The following ORC3 variants were observed in gnomAD, a reference collection of about 807,000 sequenced individuals.
ORC3 encodes origin recognition complex subunit 3, also known as homolog of latheo, Drosophila.
ORC3 carries 78 observed loss-of-function variants against 100.7 expected under a neutral mutation model. That is an observed-to-expected ratio of 0.77 (90% CI 0.65 to 0.94). ORC3 has a LOEUF of 0.94. Ranked by LOEUF, ORC3 falls within the 40% of genes least tolerant of loss-of-function variation. The pLI is 0.00. For synonymous variants in ORC3, 295 were observed against 289.3 expected (o/e 1.02, Z -0.20); for missense variants, 789 against 823.9 (o/e 0.96, Z 0.52).
intron 16 of ORC3, among the ~76,000 whole-genome samples, chr6:87,662,335 G>GTCAGGAGAC (rs1017279220): frequency 2.6e-5 from 4 of 152,116 alleles, no homozygotes; most frequent in African/African-American, 9.7e-5. Context: ...TGAGGGCTGA[G>GTCAGGAGAC]TCAGGAGACT....
rs571865328 is a variant in ORC3 at position 87,624,292 on chromosome 6, T to G, written c.1185+2279T>G. Among the ~76,000 whole-genome samples, 66 of 152,256 alleles carry G rather than the reference T, an allele frequency of 4.3e-4. No homozygotes were observed. The East Asian group carries it at 0.012, about 28-fold the overall frequency. On this transcript the variant is annotated intron_variant, in intron 11 of 19. Transcript: ENST00000392844. ...TGAAGTCAGGAGTTCAAGACCAGCC[T>G]GGCCAATATGGTGAAACCCTGTCTC... is the stretch of plus-strand genomic sequence containing the variant.
intron 16 of ORC3, among the ~76,000 whole-genome samples, chr6:87,659,525 G>T (rs1770017561): frequency 6.6e-6 from 1 of 152,082 alleles, no homozygotes; most frequent in Non-Finnish European, 1.5e-5. Context: ...AGAATAATGT[G>T]GGGACAGAGT....
chr6:87,654,754 G>A lies in ORC3; in HGVS notation c.1516+1505G>A, dbSNP rs532893726. ...AGTCTTTTACAAAATGGGACTTATG[G>A]AGATTGCTGTAAAAATAAACTGCAC... On this transcript the variant is annotated intron_variant, in intron 14 of 19. Transcript: ENST00000392844. Among the ~76,000 whole-genome samples the A allele has an allele frequency of 3.3e-5, 5 of 152,306 alleles. No homozygotes were observed. The South Asian group carries it at 6.2e-4, about 19-fold the overall frequency.
At chr6:87,600,966 G>A (rs1777854168) in intron 2 of ORC3, among the ~76,000 whole-genome samples, 1 of 152,134 alleles carries the variant, frequency 6.6e-6, no homozygotes, top group Admixed American at 6.6e-5. Context: ...TGCAATAAAT[G>A]GTATTTTCAC....
intron 17 of ORC3, among the ~76,000 whole-genome samples, chr6:87,663,556 C>T (rs1322064615): frequency 1.3e-5 from 2 of 152,180 alleles, no homozygotes; most frequent in Non-Finnish European, 2.9e-5. Context: ...AAGAGAAATA[C>T]TTTGGGACTT....
chr6:87,620,407 A>G (rs983885916), intron 9 of ORC3, among the ~76,000 whole-genome samples: 4 of 152,202 alleles, frequency 2.6e-5, no homozygotes, highest in Non-Finnish European at 5.9e-5. Flanking sequence ...AGAATGGACT[A>G]TTTTGGAAGA....
the ORC3 span, among the ~76,000 whole-genome samples, chr6:87,672,634 A>G: frequency 3.3e-5 from 5 of 152,200 alleles, no homozygotes; most frequent in Non-Finnish European, 5.9e-5. Flanking sequence ...AGCTGCTTAA[A>G]TCACCTAGGC....
At chr6:87,669,369 G>A (rs973339282), downstream of ORC3, among the ~76,000 whole-genome samples, 2 of 152,194 alleles carry the variant, frequency 1.3e-5, no homozygotes, top group Admixed American at 6.5e-5. Flanking sequence ...TCATTTAAAA[G>A]GTGCCAGGAT....
At chr6:87,612,955 G>C (rs777678012) in intron 8 of ORC3, among the ~76,000 whole-genome samples, 4 of 152,172 alleles carry the variant, frequency 2.6e-5, no homozygotes, top group Non-Finnish European at 5.9e-5. Context: ...TTAGTGGACT[G>C]TTTCCTAACT....
intron 19 of ORC3, among the ~76,000 whole-genome samples, chr6:87,666,282 C>CAT: frequency 6.6e-6 from 1 of 151,962 alleles, no homozygotes; most frequent in South Asian, 2.1e-4. Context: ...CAGGTGCCTG[C>CAT]CACCAAGCCC....
intron 7 of ORC3, among the ~76,000 whole-genome samples, chr6:87,610,542 T>TCTACTTTGATAGGATC (rs1562330984): frequency 4.0e-5 from 6 of 149,360 alleles, no homozygotes; most frequent in African/African-American, 1.0e-4. Flanking sequence ...ATACTTTATT[T>TCTACTTTGATAGGATC]TTTTTTATTT....
At position 87,663,121 on chromosome 6, in the gene ORC3, A is replaced by C. The variant is rs771749853; in HGVS notation, c.1810A>C (p.Asn604His). ...APRIALHTAL[N>H]NPYYYLKNEA... ...GCGAATTGCCCTCCATACTGCACTC[A>C]ACAATCCTTACTATTATCTCAAGGT... The change falls in exon 17 of 20, where the codon AAC becomes CAC. Residue 604 changes from asparagine to histidine, a missense_variant. This residue lies in a region of ORC3 where 366 missense variants were observed against 394.2 expected (regional missense o/e 0.93). Transcript: ENST00000392844. 3.0e-5 allele frequency: 48 copies of C among 1,612,170 alleles called. No homozygotes were observed. The South Asian group carries it at 4.2e-4, about 14-fold the overall frequency.
At chr6:87,605,560 G>A (rs1405952253) in intron 4 of ORC3, among the ~76,000 whole-genome samples, 1 of 151,858 alleles carries the variant, frequency 6.6e-6, no homozygotes, top group East Asian at 1.9e-4. Flanking sequence ...TGAGGCAGGA[G>A]AATCACCTGA....
At position 87,636,413 on chromosome 6, in the gene ORC3, G is replaced by C. The variant is rs1251558869; in HGVS notation, c.1309G>C (p.Glu437Gln). The C allele has an allele frequency of 1.3e-6, 2 of 1,599,062 alleles. No homozygotes were observed. Among genetic ancestry groups the C allele is most frequent in the Non-Finnish European group, 1.7e-6 (2 of 1,166,254 alleles). The change falls in exon 13 of 20, where the codon GAG becomes CAG. Residue 437 changes from glutamate (E) to glutamine (Q), a missense_variant. Transcript: ENST00000392844. The stretch of plus-strand genomic sequence containing the variant: ...ATGTGTTGTTCCCTTACAGATCAGA[G>C]AGTTGTACTGTACATGTTTAGAAAA... ...PKYPLGRQIRELYCTCLEKNI... is the reference protein window; with the variant it reads ...PKYPLGRQIRQLYCTCLEKNI...
chr6:87,651,026 G>C, intron 13 of ORC3: 1 of 370,808 alleles, frequency 2.7e-6, no homozygotes, highest in Non-Finnish European at 5.3e-6. Flanking sequence ...AACAAAAAAA[G>C]AATAAGAGGA....
intron 19 of ORC3, among the ~76,000 whole-genome samples, chr6:87,666,321 G>A (rs532728381): frequency 8.0e-4 from 121 of 151,724 alleles, no homozygotes; most frequent in African/African-American, 2.9e-3. Context: ...TAGTAGAGAC[G>A]GGGTTTCACC....
At chr6:87,614,359 G>T (rs114197180) in intron 8 of ORC3, among the ~76,000 whole-genome samples, 1,725 of 152,298 alleles carry the variant, frequency 0.011, 32 homozygotes, top group African/African-American at 0.04. Flanking sequence ...TTGCCTCCTA[G>T]GTCTCCAGGC....
chr6:87,660,212 A>G (rs994159750), intron 16 of ORC3, among the ~76,000 whole-genome samples: 3 of 152,210 alleles, frequency 2.0e-5, no homozygotes, highest in African/African-American at 7.2e-5. Context: ...CAGTTGTTGA[A>G]ATAATGCTCA....
At chr6:87,593,309 A>C (rs936466257) in intron 1 of ORC3, among the ~76,000 whole-genome samples, 4 of 152,236 alleles carry the variant, frequency 2.6e-5, no homozygotes, top group South Asian at 2.1e-4. Context: ...TGTTAGCACT[A>C]TTCCAAACAT....
Sources: allele counts gnomAD v4.1 joint callset (sites outside exome capture counted in the v4.1 genomes callset), GRCh38; gene constraint gnomAD v4.1.1; regional missense constraint gnomAD v4.1.1; transcripts MANE v1.5; gene names NCBI Gene and HGNC (gene_info 2026-07-23, HGNC 2026-07-21).